Variants in DCBLD2 observed in about 807,000 individuals in gnomAD.
The protein encoded by DCBLD2 is discoidin, CUB and LCCL domain containing 2, also known as discoidin, CUB and LCCL domain-containing protein 2.
In DCBLD2, 54 loss-of-function variants were observed where a neutral mutation model predicts 86.8. That is an observed-to-expected ratio of 0.62 (90% CI 0.50 to 0.78). DCBLD2 has a LOEUF of 0.78. Among genes scored for constraint, DCBLD2 ranks in the 30% least tolerant of loss-of-function variants. The pLI is 0.00. For synonymous variants in DCBLD2, 354 were observed against 341.3 expected (o/e 1.04, Z -0.41); for missense variants, 908 against 954.2 (o/e 0.95, Z 0.64).
rs1361735134 is a variant in DCBLD2 at position 98,801,585 on chromosome 3, G to A, written c.1720+15C>T. On this transcript the variant is annotated intron_variant, in intron 14 of 15. Transcript: ENST00000326840. ...CCCTCTGATAGAAATGAGATGCAAAGACCACGTGAGTTACCTGCCCGGTCC... is the reference window on the plus strand; with the variant it reads ...CCCTCTGATAGAAATGAGATGCAAAAACCACGTGAGTTACCTGCCCGGTCC... 6.2e-7 allele frequency: 1 copy of A among 1,605,200 alleles called. No individual in the cohort carries two copies. The highest frequency in any genetic ancestry group is 8.5e-7 in the Non-Finnish European group (1 of 1,175,084).
At chr3:98,826,969 C>T (rs139585542) in intron 3 of DCBLD2, among the ~76,000 whole-genome samples, 3 of 152,190 alleles carry the variant, frequency 2.0e-5, no homozygotes, top group Admixed American at 6.5e-5. Context: ...ATATGATAAT[C>T]GATCATTTTA....
intron 2 of DCBLD2, among the ~76,000 whole-genome samples, chr3:98,858,073 G>A (rs1327861117): frequency 2.0e-5 from 3 of 152,232 alleles, no homozygotes; most frequent in Non-Finnish European, 4.4e-5. Context: ...ACGGTGGGGG[G>A]CAGGCTCAGG....
chr3:98,799,573 G>C lies in DCBLD2; in HGVS notation c.2127C>G (p.Pro709=), dbSNP rs1176855193. The C allele has an allele frequency of 6.2e-7, 1 of 1,613,884 alleles. No homozygotes were observed. Among genetic ancestry groups the C allele is most frequent in the African/African-American group, 1.3e-5 (1 of 74,920 alleles). Residue 709 remains proline (P), a synonymous_variant, in exon 16 of 16, where the codon CCC becomes CCG. Coordinates refer to ENST00000326840, the MANE Select transcript of DCBLD2 (RefSeq NM_080927.4). ...GTGTATTGTAAGTTCCCACTAGTGG[G>C]GGAGGTTGGTTCCCCGTAGCCTTGA... The part of the protein sequence containing the change: ...STFKATGNQP[P]PLVGTYNTLL...
Position 98,849,499 on chromosome 3 carries a change from C to T in DCBLD2, c.533G>A (p.Arg178His), listed in dbSNP as rs745540902. The change falls in exon 3 of 16, where the codon CGC becomes CAC. Residue 178 changes from arginine (R) to histidine (H), a missense_variant. Physicochemically the swap from Arg to His is conservative, Grantham distance 29. Around this residue, in one of 3 missense-constraint regions of DCBLD2, gnomAD observed 294 missense variants for 256.0 expected, o/e 1.15. Transcript: ENST00000326840. ...AACAGAGTATGAGGCCAAAAATCCG[C>T]GTCCAGAAACATGGATTCCACTCAT... ...LFMSGIHVSGRGFLASYSVID... is the reference protein window; with the variant it reads ...LFMSGIHVSGHGFLASYSVID... The T allele has an allele frequency of 3.0e-5, 49 of 1,613,884 alleles. 1 individual carries two copies. The South Asian group carries it at 4.5e-4, about 15-fold the overall frequency.
intron 2 of DCBLD2, among the ~76,000 whole-genome samples, chr3:98,863,551 T>C (rs1178085968): frequency 6.6e-6 from 1 of 152,156 alleles, no homozygotes; most frequent in African/African-American, 2.4e-5. Flanking sequence ...CCCTCAGAAA[T>C]AATACCATAC....
rs866505472 is a variant in DCBLD2, at chr3:98,901,272, G to A, written c.55C>T (p.Arg19Trp). ...ARRCPQCPQVRAAAAAPAWAA... is the reference protein window; with the variant it reads ...ARRCPQCPQVWAAAAAPAWAA... ...CAGGCGGGGGCGGCGGCCGCGGCCC[G>A]GACTTGGGGACACTGCGGGCAGCGC... is the stretch of plus-strand genomic sequence containing the variant. The change falls in exon 1 of 16, where the codon CGG becomes TGG. Residue 19 changes from arginine to tryptophan, a missense_variant. Around this residue, in one of 3 missense-constraint regions of DCBLD2, gnomAD observed 294 missense variants for 256.0 expected, o/e 1.15. Coordinates refer to ENST00000326840, the MANE Select transcript of DCBLD2 (RefSeq NM_080927.4). 5.2e-6 allele frequency: 8 copies of A among 1,528,090 alleles called. No individual in the cohort carries two copies. Among genetic ancestry groups the A allele is most frequent in the Non-Finnish European group, 7.0e-6 (8 of 1,142,828 alleles). The allele number at this position is 1,528,090 out of a possible 1,614,324, so 94.7% of individuals were successfully genotyped here.
chr3:98,799,576 A>G lies in DCBLD2; in HGVS notation c.2124T>C (p.Pro708=). The change falls in exon 16 of 16, where the codon CCT becomes CCC. Residue 708 remains proline (P), a synonymous_variant. Coordinates refer to ENST00000326840, the MANE Select transcript of DCBLD2 (RefSeq NM_080927.4). ...TATTGTAAGTTCCCACTAGTGGGGG[A>G]GGTTGGTTCCCCGTAGCCTTGAAAG... is the stretch of plus-strand genomic sequence containing the variant. ...TSTFKATGNQ[P]PPLVGTYNTL... 6.2e-7 allele frequency: 1 copy of G among 1,613,674 alleles called. No individual in the cohort carries two copies. Among genetic ancestry groups the G allele is most frequent in the Non-Finnish European group, 8.5e-7 (1 of 1,179,824 alleles).
intron 2 of DCBLD2, among the ~76,000 whole-genome samples, chr3:98,870,326 C>T (rs185381824): frequency 4.6e-5 from 7 of 152,264 alleles, no homozygotes; most frequent in African/African-American, 1.4e-4. Flanking sequence ...AGTTGTCATA[C>T]TGTGTTGATT....
At chr3:98,890,187 G>C (rs891614814) in intron 1 of DCBLD2, among the ~76,000 whole-genome samples, 1 of 152,050 alleles carries the variant, frequency 6.6e-6, no homozygotes, top group Admixed American at 6.6e-5. Context: ...TTTTGCAAAT[G>C]TAATCAAGTT....
chr3:98,808,852 T>TA (rs1234501579), intron 12 of DCBLD2, among the ~76,000 whole-genome samples: 2 of 152,022 alleles, frequency 1.3e-5, no homozygotes, highest in Non-Finnish European at 1.5e-5. Flanking sequence ...TCTCAGAAAC[T>TA]AAAAAAAGAT....
intron 3 of DCBLD2, among the ~76,000 whole-genome samples, chr3:98,835,553 C>T (rs1211082017): frequency 5.6e-5 from 8 of 142,098 alleles, no homozygotes; most frequent in African/African-American, 5.2e-5. Flanking sequence ...TTTTTTTCTT[C>T]TTTTTTTTTT....
chr3:98,818,066 C>T (rs1238357098), intron 8 of DCBLD2, among the ~76,000 whole-genome samples, 173 bp from the exon 9 acceptor site: 1 of 152,126 alleles, frequency 6.6e-6, no homozygotes, highest in African/African-American at 2.4e-5. Context: ...TGGCCTTATT[C>T]CCTTGGAGAG....
intron 2 of DCBLD2, 103 bp downstream of exon 2, chr3:98,881,437 A>G (rs1411109943): frequency 9.7e-7 from 1 of 1,034,150 alleles, no homozygotes; most frequent in Non-Finnish European, 1.4e-6. Context: ...ATAATTTCCC[A>G]CATAGCACCT....
chr3:98,901,066 A>G, intron 1 of DCBLD2, 56 bp downstream of exon 1: 1 of 1,535,532 alleles, frequency 6.5e-7, no homozygotes. Flanking sequence ...AGGGGCCAAG[A>G]GACCCGCAGC....
intron 1 of DCBLD2, among the ~76,000 whole-genome samples, chr3:98,888,230 A>G (rs1943595270): frequency 6.6e-6 from 1 of 151,970 alleles, no homozygotes; most frequent in Non-Finnish European, 1.5e-5. Flanking sequence ...GGTCAATGTG[A>G]CCATTTTTTT....
At chr3:98,843,925 A>G (rs972636721) in intron 3 of DCBLD2, among the ~76,000 whole-genome samples, 2 of 152,034 alleles carry the variant, frequency 1.3e-5, no homozygotes, top group Admixed American at 6.6e-5. Context: ...AGCACTACAA[A>G]ATTTCGAGTT....
At chr3:98,826,554 A>G (rs1286405631) in intron 3 of DCBLD2, among the ~76,000 whole-genome samples, 1 of 152,248 alleles carries the variant, frequency 6.6e-6, no homozygotes, top group African/African-American at 2.4e-5. Context: ...GTAATGTGTT[A>G]TGTTAATATG....
rs1272729951 is a variant in DCBLD2 at position 98,901,667 on chromosome 3, G to A, written c.-341C>T. 1 of 188,230 alleles carries A rather than the reference G, an allele frequency of 5.3e-6. No homozygotes were observed. Among genetic ancestry groups the A allele is most frequent in the East Asian group, 1.2e-4 (1 of 8,202 alleles). 11.7% of individuals were successfully genotyped at this position (188,230 alleles called of 1,614,324 possible). On this transcript the variant is annotated 5_prime_UTR_variant, in exon 1 of 16. Transcript: ENST00000326840. ...GGGTCGCCGCTCGCCGCGCTCACCC[G>A]CGGCTCCGGCTAGCTGGCAGGCAGG...
chr3:98,836,398 A>G (rs1244164982), intron 3 of DCBLD2, among the ~76,000 whole-genome samples: 1 of 150,658 alleles, frequency 6.6e-6, no homozygotes, highest in Admixed American at 6.6e-5. Flanking sequence ...ATGCTACTCA[A>G]TTGGAACCCA....
Sources: gnomAD v4.1 joint callset for allele counts (sites outside exome capture counted in the v4.1 genomes callset) on GRCh38, gnomAD v4.1.1 for gene constraint, gnomAD v4.1.1 regional missense constraint, MANE v1.5 for transcripts, NCBI Gene and HGNC (gene_info 2026-07-23, HGNC 2026-07-21) for gene names.